IDI1: variants seen among roughly 807,000 people sequenced by gnomAD.
The protein encoded by IDI1 is isopentenyl-diphosphate Delta-isomerase 1.
Under a neutral mutation model 32.9 loss-of-function variants are expected in IDI1, and 23 were observed. The observed-to-expected ratio is 0.70, with a 90% CI of 0.50 to 0.99. IDI1 has a LOEUF of 0.99. Among genes scored for constraint, IDI1 ranks in the 50% least tolerant of loss-of-function variants. IDI1 has a pLI of 0.00. For missense variants in IDI1, 326 were observed against 351.9 expected, an observed-to-expected ratio of 0.93 and a Z score of 0.59; for synonymous variants, 133 against 128.2, an observed-to-expected ratio of 1.04 and a Z score of -0.25.
chr10:1,048,279 G>A (rs1301508746), intron 1 of IDI1: 3 of 1,304,330 alleles, frequency 2.3e-6, no homozygotes, highest in Non-Finnish European at 3.0e-6. Context: ...AGTAGACGCG[G>A]GAACACATCA....
At chr10:1,054,355 T>G in the IDI1 span, among the ~76,000 whole-genome samples, 1 of 152,218 alleles carries the variant, frequency 6.6e-6, no homozygotes, top group African/African-American at 2.4e-5. Context: ...GTCAAACAGC[T>G]TATAACACTA....
chr10:1,040,999 T>G lies in IDI1; in HGVS notation c.*188A>C. ...CAGAACACATATCCAGGGTGTGTGA[T>G]ACAAAATTATAAGTTAGTTTTTTCC... On this transcript the variant is annotated 3_prime_UTR_variant, in exon 5 of 5. Coordinates refer to ENST00000381344, the MANE Select transcript of IDI1 (RefSeq NM_004508.4). The G allele has an allele frequency of 2.0e-6, 1 of 502,120 alleles. No homozygotes were observed. The highest frequency in any genetic ancestry group is 3.5e-6 in the Non-Finnish European group (1 of 284,680). The allele number at this position is 502,120 out of a possible 1,614,324, so 31.1% of individuals were successfully genotyped here. A position where few individuals can be genotyped will look rare whatever the true frequency, so the allele number is the denominator to read the frequency against.
At chr10:1,046,206 A>C (rs1231767498) in intron 1 of IDI1, among the ~76,000 whole-genome samples, 1 of 152,196 alleles carries the variant, frequency 6.6e-6, no homozygotes, top group Non-Finnish European at 1.5e-5. Flanking sequence ...GTGTACATAC[A>C]TGTGTCACAT....
At chr10:1,048,642 T>C (rs1339726260) in intron 1 of IDI1, 2 of 1,409,850 alleles carry the variant, frequency 1.4e-6, no homozygotes, top group Non-Finnish European at 1.8e-6. Context: ...ACGCCCCGAC[T>C]CACGCCTCCG....
intron 1 of IDI1, among the ~76,000 whole-genome samples, chr10:1,045,173 C>T (rs1005250369): frequency 1.1e-4 from 17 of 152,234 alleles, no homozygotes; most frequent in African/African-American, 4.1e-4. Context: ...TTCTGAACCC[C>T]CATTTATCCC....
chr10:1,048,758 G>A, intron 1 of IDI1, 106 bp downstream of exon 1: 1 of 1,498,572 alleles, frequency 6.7e-7, no homozygotes, highest in East Asian at 2.6e-5. Context: ...TCCGCGCCGA[G>A]ACCTCACGGG....
intron 1 of IDI1, among the ~76,000 whole-genome samples, chr10:1,045,899 G>A (rs1832794635): frequency 6.6e-6 from 1 of 151,716 alleles, no homozygotes; most frequent in South Asian, 2.1e-4. Flanking sequence ...GTGTGTGAAT[G>A]CGTGTGTCAG....
intron 1 of IDI1, among the ~76,000 whole-genome samples, chr10:1,044,744 C>T (rs67696450): frequency 0.13 from 20,024 of 152,204 alleles, 1,771 homozygotes; most frequent in Non-Finnish European, 0.2. Context: ...CCTGGGTTAT[C>T]AGAAAAATTA....
Position 1,042,665 on chromosome 10 carries a change from C to T in IDI1, c.504G>A (p.Arg168=). 6.2e-7 allele frequency: 1 copy of T among 1,614,070 alleles called. No individual in the cohort carries two copies. The part of the protein sequence containing the change: ...ALGVRRAAQR[R]LKAELGIPLE... ...AGGGAATTCCTAGCTCAGCTTTCAG[C>T]CGTCTCTGTGCTGCTCGCCTCACTC... Residue 168 remains arginine, a synonymous_variant, in exon 4 of 5, where the codon CGG becomes CGA. Transcript: ENST00000381344.
chr10:1,043,830 A>G (rs1244309987), intron 2 of IDI1, 169 bp downstream of exon 2: 3 of 670,024 alleles, frequency 4.5e-6, no homozygotes, highest in Non-Finnish European at 8.1e-6. Flanking sequence ...TCGCTGTAAC[A>G]GGAAGACAGC....
upstream of IDI1, chr10:1,049,289 G>A (rs1589057858): frequency 1.1e-5 from 5 of 460,020 alleles, no homozygotes; most frequent in Non-Finnish European, 1.1e-5. Context: ...GGTGCCTAAC[G>A]TCAGACGTCT....
chr10:1,043,503 T>A, intron 2 of IDI1, 110 bp from the exon 3 acceptor site: 1 of 749,042 alleles, frequency 1.3e-6, no homozygotes. Flanking sequence ...CTTTTGCTTT[T>A]TCCCATGGTT....
chr10:1,049,300 C>G (rs762598123), upstream of IDI1: 163 of 419,064 alleles, frequency 3.9e-4, 1 homozygote, highest in Middle Eastern at 1.9e-3. Context: ...TCAGACGTCT[C>G]GAGGCTCGCG....
upstream of IDI1, among the ~76,000 whole-genome samples, chr10:1,052,138 T>C (rs980534239): frequency 1.3e-5 from 2 of 152,192 alleles, no homozygotes; most frequent in Non-Finnish European, 2.9e-5. Context: ...CTCAAAATGC[T>C]GGGATTATAG....
chr10:1,041,571 G>C, intron 4 of IDI1, 67 bp from the exon 5 acceptor site: 3 of 852,438 alleles, frequency 3.5e-6, no homozygotes, highest in Non-Finnish European at 5.3e-6. Flanking sequence ...TCTAAAATTA[G>C]CTCACTGTAT....
chr10:1,048,601 T>C, intron 1 of IDI1: 12 of 1,388,794 alleles, frequency 8.6e-6, no homozygotes, highest in Non-Finnish European at 1.1e-5. Flanking sequence ...ACGACGATCT[T>C]TTCCGCTGAC....
chr10:1,050,210 AAC>A (rs1031967248), upstream of IDI1, among the ~76,000 whole-genome samples: 161 of 152,328 alleles, frequency 1.1e-3, no homozygotes, highest in African/African-American at 3.7e-3. Flanking sequence ...TCACTTAAAA[AAC>A]ACACGACACT....
the IDI1 span, among the ~76,000 whole-genome samples, chr10:1,054,949 C>G: frequency 6.6e-6 from 1 of 152,198 alleles, no homozygotes; most frequent in African/African-American, 2.4e-5. Context: ...GGGCATGCTG[C>G]CACAAGCCAA....
chr10:1,054,676 T>C, the IDI1 span, among the ~76,000 whole-genome samples: 4 of 152,240 alleles, frequency 2.6e-5, no homozygotes, highest in Admixed American at 2.6e-4. Flanking sequence ...TTAAAAAAAT[T>C]ACATTGGATA....
Sources: gnomAD v4.1 joint callset for allele counts (sites outside exome capture counted in the v4.1 genomes callset) on GRCh38, gnomAD v4.1.1 for gene constraint, MANE v1.5 for transcripts, NCBI Gene and HGNC (gene_info 2026-07-23, HGNC 2026-07-21) for gene names.